STK3: variants seen among roughly 807,000 people sequenced by gnomAD.
STK3 encodes serine/threonine-protein kinase 3.
STK3 carries 41 observed loss-of-function variants against 58.0 expected under a neutral mutation model. The observed-to-expected ratio is 0.71, with a 90% CI of 0.55 to 0.92. STK3 has a LOEUF of 0.92. STK3 is among the 40% of genes least tolerant of loss of function. The pLI is 0.00. For synonymous variants in STK3, 170 were observed against 191.0 expected, an observed-to-expected ratio of 0.89 and a Z score of 0.91; for missense variants, 479 against 602.7, an observed-to-expected ratio of 0.79 and a Z score of 2.15.
chr8:98,558,554 T>A (rs1247974029), intron 8 of STK3, among the ~76,000 whole-genome samples: 1 of 152,150 alleles, frequency 6.6e-6, no homozygotes, highest in African/African-American at 2.4e-5. Flanking sequence ...TAATGAATAT[T>A]CATATTAATT....
intron 1 of STK3, among the ~76,000 whole-genome samples, chr8:98,896,615 A>T (rs1480783496): frequency 6.6e-6 from 1 of 152,190 alleles, no homozygotes; most frequent in Non-Finnish European, 1.5e-5. Flanking sequence ...TCTTGATTTG[A>T]CCAAGTCCAG....
intron 1 of STK3, among the ~76,000 whole-genome samples, chr8:98,919,488 G>C (rs537633124): frequency 4.6e-5 from 7 of 152,256 alleles, no homozygotes; most frequent in East Asian, 1.9e-4. Flanking sequence ...GGTTGCCTAG[G>C]GGGGATTGAC....
intron 3 of STK3, chr8:98,393,812 T>C (rs1182007097): frequency 6.6e-6 from 1 of 152,060 alleles, no homozygotes; most frequent in Non-Finnish European, 1.5e-5. Context: ...AGTTGACCCA[T>C]GGCTGGCCAC....
At chr8:98,381,132 G>A (rs150863378) in intron 1 of STK3, among the ~76,000 whole-genome samples, 2,205 of 151,750 alleles carry the variant, frequency 0.015, 20 homozygotes, top group Non-Finnish European at 0.023. Context: ...CACCATGTCC[G>A]GCTAATTTTT....
chr8:98,392,884 A>G (rs997762756), upstream of STK3, among the ~76,000 whole-genome samples: 7 of 152,086 alleles, frequency 4.6e-5, no homozygotes, highest in Non-Finnish European at 8.8e-5. Context: ...CATCACTATG[A>G]CCCTTGCCTG....
chr8:98,874,710 T>G (rs1837502978), intron 3 of STK3, among the ~76,000 whole-genome samples: 1 of 152,078 alleles, frequency 6.6e-6, no homozygotes, highest in African/African-American at 2.4e-5. Flanking sequence ...CATTGCAGGC[T>G]TGAACTCCTG....
intron 9 of STK3, among the ~76,000 whole-genome samples, chr8:98,533,950 C>G: frequency 6.6e-6 from 1 of 152,252 alleles, no homozygotes; most frequent in South Asian, 2.1e-4. Context: ...TGAACAACAG[C>G]AGGAGCCATG....
intron 6 of STK3, among the ~76,000 whole-genome samples, chr8:98,637,517 C>T (rs192760685): frequency 6.6e-5 from 10 of 152,236 alleles, no homozygotes; most frequent in African/African-American, 1.9e-4. Flanking sequence ...ACCAACCATA[C>T]GGCTAACATT....
At chr8:98,656,045 T>C (rs1171689412) in intron 6 of STK3, among the ~76,000 whole-genome samples, 4 of 152,320 alleles carry the variant, frequency 2.6e-5, no homozygotes, top group Admixed American at 2.0e-4. Flanking sequence ...CGTATGTTTA[T>C]TGTGGCACTA....
At chr8:98,616,651 G>T (rs1300598844) in intron 6 of STK3, among the ~76,000 whole-genome samples, 1 of 149,082 alleles carries the variant, frequency 6.7e-6, no homozygotes, top group Non-Finnish European at 1.5e-5. Flanking sequence ...AAAAAGGCAG[G>T]GGTTGCAATC....
chr8:98,566,721 G>C (rs1345839653), intron 8 of STK3, among the ~76,000 whole-genome samples: 1 of 152,146 alleles, frequency 6.6e-6, no homozygotes, highest in African/African-American at 2.4e-5. Context: ...AAAGCTGCCA[G>C]AGAATACAGG....
chr8:98,853,960 G>A (rs1836574515), intron 3 of STK3, among the ~76,000 whole-genome samples: 1 of 152,082 alleles, frequency 6.6e-6, no homozygotes. Context: ...AAATAGAAGA[G>A]GCAGGAACAC....
chr8:98,598,265 A>C (rs1270678467), intron 6 of STK3: 154 of 985,290 alleles, frequency 1.6e-4, no homozygotes, highest in Non-Finnish European at 1.8e-4. Context: ...ATCTTAACAT[A>C]TAAGGCTCAC....
intron 3 of STK3, among the ~76,000 whole-genome samples, chr8:98,402,405 G>A (rs1211028763): frequency 6.6e-6 from 1 of 152,178 alleles, no homozygotes; most frequent in Admixed American, 6.5e-5. Flanking sequence ...AGAGTCCAAG[G>A]GATCGGAGCT....
intron 1 of STK3, chr8:98,921,394 G>A (rs1253366962): frequency 1.3e-5 from 2 of 152,534 alleles, no homozygotes; most frequent in Non-Finnish European, 2.9e-5. Context: ...CTCTGTCGGA[G>A]ATGGTCATCC....
downstream of STK3, among the ~76,000 whole-genome samples, chr8:98,451,212 G>A (rs559203129): frequency 3.3e-5 from 5 of 152,204 alleles, no homozygotes; most frequent in South Asian, 4.2e-4. Context: ...AGCTCATGGC[G>A]TTCAATGAAA....
At chr8:98,395,356 G>A (rs997114331) in intron 3 of STK3, among the ~76,000 whole-genome samples, 2 of 152,134 alleles carry the variant, frequency 1.3e-5, no homozygotes, top group African/African-American at 4.8e-5. Flanking sequence ...AGTGTTCAGA[G>A]GAGCATCCAA....
At chr8:98,626,234 A>C (rs1298427391) in intron 6 of STK3, among the ~76,000 whole-genome samples, 1 of 152,216 alleles carries the variant, frequency 6.6e-6, no homozygotes, top group Non-Finnish European at 1.5e-5. Context: ...TGAAAAAGTG[A>C]CTATACAGGA....
intron 6 of STK3, among the ~76,000 whole-genome samples, chr8:98,638,877 G>A (rs528896425): frequency 4.7e-4 from 71 of 152,174 alleles, no homozygotes; most frequent in African/African-American, 1.7e-3. Flanking sequence ...ATGTTACAAT[G>A]AAATGTTGGT....
Sources: allele counts gnomAD v4.1 joint callset (sites outside exome capture counted in the v4.1 genomes callset), GRCh38; gene constraint gnomAD v4.1.1; transcripts MANE v1.5; gene names NCBI Gene and HGNC (gene_info 2026-07-23, HGNC 2026-07-21).